ARHGEF10: variants seen among roughly 807,000 people sequenced by gnomAD.
ARHGEF10 encodes Rho guanine nucleotide exchange factor (GEF) 10.
In ARHGEF10, 140 loss-of-function variants were observed where a neutral mutation model predicts 147.4. The ratio of observed to expected loss-of-function variants is 0.95; its 90% confidence interval spans 0.83 to 1.09. The LOEUF (loss-of-function observed/expected upper bound fraction) is 1.09, where lower values mean the gene tolerates loss of function less well. Among genes scored for constraint, ARHGEF10 ranks in the 50% least tolerant of loss-of-function variants. The probability of loss-of-function intolerance (pLI) is 0.00; values close to 1 mark genes in which losing one functional copy is unlikely to be tolerated. For synonymous variants in ARHGEF10, 902 were observed against 695.8 expected (o/e 1.30, Z -4.67); for missense variants, 2,222 against 1,752.7 (o/e 1.27, Z -4.78).
chr8:1,883,134 G>A (rs1013117684), intron 10 of ARHGEF10, among the ~76,000 whole-genome samples: 1 of 152,144 alleles, frequency 6.6e-6, no homozygotes, highest in African/African-American at 2.4e-5. Context: ...TGGCATTTCA[G>A]GAATCTTTTC....
chr8:1,863,119 G>T (rs1043214958), intron 4 of ARHGEF10, among the ~76,000 whole-genome samples: 7 of 152,138 alleles, frequency 4.6e-5, no homozygotes, highest in African/African-American at 1.7e-4. Context: ...GTGTGGCAGT[G>T]TGGGAAGGGC....
At chr8:1,889,220 G>GGTGAGGGTTGTGTGAGATACTGAGAGGA in intron 11 of ARHGEF10, among the ~76,000 whole-genome samples, 1 of 90,078 alleles carries the variant, frequency 1.1e-5, no homozygotes. Flanking sequence ...CACTGAATGG[G>GGTGAGGGTTGTGTGAGATACTGAGAGGA]GTGAGGGTTG....
intron 9 of ARHGEF10, 93 bp from the exon 10 acceptor site, chr8:1,882,542 G>A (rs1808292377): frequency 9.4e-7 from 1 of 1,059,050 alleles, no homozygotes. Context: ...ACAAGAACCA[G>A]ACTACTTGAC....
At position 1,888,344 on chromosome 8, in the gene ARHGEF10, A is replaced by ACTTAGTGGGGCGAGGGTTGCGAGGAGACC. The variant is rs1563234501; in HGVS notation, c.1182+2639_1182+2640insTAGTGGGGCGAGGGTTGCGAGGAGACCCT. 1.4e-4 allele frequency among the ~76,000 whole-genome samples: 10 copies of ACTTAGTGGGGCGAGGGTTGCGAGGAGACC among 70,226 alleles called. 2 individuals are homozygous for ACTTAGTGGGGCGAGGGTTGCGAGGAGACC. In the South Asian group the frequency reaches 5.0e-3, roughly 35 times the overall value. 46.1% of individuals were successfully genotyped at this position (70,226 alleles called of 152,430 possible). ...AGTGGGATGTTGACTGTGAGGAGAC[A>ACTTAGTGGGGCGAGGGTTGCGAGGAGACC]CTGAGTGGGGTGAGGGTTGTGAGGA... On this transcript the variant is annotated intron_variant, in intron 11 of 28. Coordinates refer to ENST00000349830, the MANE Select transcript of ARHGEF10 (RefSeq NM_014629.4).
intron 26 of ARHGEF10, among the ~76,000 whole-genome samples, chr8:1,934,417 A>G (rs555449375): frequency 6.6e-6 from 1 of 152,302 alleles, no homozygotes; most frequent in South Asian, 2.1e-4. Flanking sequence ...TAGAAAGACA[A>G]GATTAGCAAG....
chr8:1,857,568 C>T (rs529980702), intron 2 of ARHGEF10, among the ~76,000 whole-genome samples: 64 of 151,998 alleles, frequency 4.2e-4, no homozygotes, highest in Non-Finnish European at 6.0e-4. Flanking sequence ...TACAGGTGCC[C>T]GCCAACACGC....
chr8:1,848,032 C>T (rs1585251246), intron 2 of ARHGEF10, among the ~76,000 whole-genome samples: 1 of 152,248 alleles, frequency 6.6e-6, no homozygotes, highest in African/African-American at 2.4e-5. Context: ...TGGCCTGCTT[C>T]TCCAGGGCTG....
intron 2 of ARHGEF10, among the ~76,000 whole-genome samples, chr8:1,856,664 G>A (rs1206901662): frequency 2.0e-5 from 3 of 152,158 alleles, no homozygotes; most frequent in East Asian, 1.9e-4. Context: ...AGCCCCCTCC[G>A]GAGCTGCCTG....
chr8:1,848,146 C>G (rs977534141), intron 2 of ARHGEF10, among the ~76,000 whole-genome samples: 2 of 152,232 alleles, frequency 1.3e-5, no homozygotes, highest in African/African-American at 2.4e-5. Context: ...TTGAAGTGTT[C>G]TATGCGTCTT....
intron 17 of ARHGEF10, among the ~76,000 whole-genome samples, chr8:1,908,430 C>T (rs1413324646): frequency 6.6e-6 from 1 of 151,908 alleles, no homozygotes; most frequent in Non-Finnish European, 1.5e-5. Context: ...GATGGGGTGT[C>T]ACTGTGTTAG....
At chr8:1,853,977 C>T (rs910975956) in intron 2 of ARHGEF10, among the ~76,000 whole-genome samples, 4 of 152,358 alleles carry the variant, frequency 2.6e-5, no homozygotes, top group South Asian at 4.1e-4. Context: ...ACGAGCTCAC[C>T]AGCAGACTGG....
intron 26 of ARHGEF10, among the ~76,000 whole-genome samples, chr8:1,942,363 G>A (rs1410207898): frequency 6.6e-6 from 1 of 151,656 alleles, no homozygotes; most frequent in South Asian, 2.1e-4. Context: ...AAGATGGTCA[G>A]CATTGTTGCT....
chr8:1,907,562 G>A (rs915007700), intron 17 of ARHGEF10, among the ~76,000 whole-genome samples: 7 of 152,174 alleles, frequency 4.6e-5, no homozygotes, highest in African/African-American at 1.4e-4. Flanking sequence ...GTTGGGGAGC[G>A]CCAGGACACA....
At chr8:1,919,606 T>TG (rs1490571187) in intron 18 of ARHGEF10, among the ~76,000 whole-genome samples, 5 of 149,754 alleles carry the variant, frequency 3.3e-5, no homozygotes, top group South Asian at 2.1e-4. Context: ...CTGTGGGTGA[T>TG]AAACTGTTCT....
intron 8 of ARHGEF10, among the ~76,000 whole-genome samples, chr8:1,877,346 G>A (rs1343535586): frequency 6.6e-6 from 1 of 152,046 alleles, no homozygotes; most frequent in African/African-American, 2.4e-5. Flanking sequence ...TCTTGCCTCA[G>A]CCTCCCAAGT....
rs1225479256 is a variant in ARHGEF10 at position 1,829,147 on chromosome 8, C to T, written c.-48+5034C>T. 2.6e-5 allele frequency among the ~76,000 whole-genome samples: 4 copies of T among 152,260 alleles called. No homozygotes were observed. The South Asian group carries it at 6.2e-4, about 24-fold the overall frequency. ...CCCGCCTGCACAGTTGCACTCATGTCGGGCCTGAGCTGAGTCGTCCCGACA... is the reference window on the plus strand; with the variant it reads ...CCCGCCTGCACAGTTGCACTCATGTTGGGCCTGAGCTGAGTCGTCCCGACA... On this transcript the variant is annotated intron_variant, in intron 1 of 28. Transcript: ENST00000349830.
intron 27 of ARHGEF10, among the ~76,000 whole-genome samples, chr8:1,947,301 C>T (rs550078039): frequency 1.4e-4 from 22 of 152,292 alleles, no homozygotes; most frequent in African/African-American, 5.1e-4. Flanking sequence ...AATCCTGCCC[C>T]AGCTGCCCTG....
chr8:1,944,221 G>A (rs931690767), intron 26 of ARHGEF10, among the ~76,000 whole-genome samples: 11 of 145,706 alleles, frequency 7.5e-5, no homozygotes, highest in African/African-American at 1.8e-4. Context: ...GCACCATGTC[G>A]CCTCCCTGGG....
chr8:1,897,708 A>AT (rs1049502401), intron 14 of ARHGEF10, among the ~76,000 whole-genome samples: 4 of 152,180 alleles, frequency 2.6e-5, no homozygotes, highest in African/African-American at 9.7e-5. Context: ...GGGAAAGAAA[A>AT]CATGGACTCA....
Sources: gnomAD v4.1 joint callset for allele counts (sites outside exome capture counted in the v4.1 genomes callset) on GRCh38, gnomAD v4.1.1 for gene constraint, MANE v1.5 for transcripts, NCBI Gene and HGNC (gene_info 2026-07-23, HGNC 2026-07-21) for gene names.